The following NRG3 variants were observed in gnomAD, a reference collection of about 807,000 sequenced individuals.
NRG3 encodes the protein neuregulin 3.
In NRG3, 31 loss-of-function variants were observed where a neutral mutation model predicts 66.9. The ratio of observed to expected loss-of-function variants is 0.46; its 90% CI spans 0.35 to 0.63. The LOEUF is 0.63. Ranked by LOEUF, NRG3 falls within the 20% of genes least tolerant of loss-of-function variation. The pLI is 0.00. For missense variants in NRG3, 910 were observed against 878.9 expected, an observed-to-expected ratio of 1.04 and a Z score of -0.45; for synonymous variants, 393 against 359.4, an observed-to-expected ratio of 1.09 and a Z score of -1.06.
chr10:82,617,247 G>A (rs1214795080), intron 2 of NRG3, among the ~76,000 whole-genome samples: 1 of 139,918 alleles, frequency 7.1e-6, no homozygotes, highest in Non-Finnish European at 1.5e-5. Context: ...ACACCACACA[G>A]ACACACATAC....
intron 2 of NRG3, among the ~76,000 whole-genome samples, chr10:82,649,864 T>C (rs900566644): frequency 4.6e-5 from 7 of 152,150 alleles, no homozygotes; most frequent in Non-Finnish European, 8.8e-5. Flanking sequence ...GGACTGATTA[T>C]TGCTCAGAAT....
intron 1 of NRG3, among the ~76,000 whole-genome samples, chr10:82,353,637 G>C (rs2083575701): frequency 6.6e-6 from 1 of 152,186 alleles, no homozygotes; most frequent in South Asian, 2.1e-4. Flanking sequence ...ACAAGTGCCA[G>C]ATGAGTGATC....
Position 82,099,012 on chromosome 10 carries a change from G to T in NRG3, c.823+222849G>T, listed in dbSNP as rs188546191. Among the ~76,000 whole-genome samples the T allele has an allele frequency of 3.9e-3, 593 of 152,184 alleles. 3 individuals are homozygous for T. The highest frequency in any genetic ancestry group is 0.014 in the African/African-American group (564 of 41,544). ...GATCTCCTGACCTCGTGATCTGCCC[G>T]CATTGACCTCCCAAAGTGCTGGGAT... On this transcript the variant is annotated intron_variant, in intron 1 of 8. Coordinates refer to ENST00000372141, the MANE Select transcript of NRG3 (RefSeq NM_001010848.4).
rs1034277285 is a variant in NRG3 at position 82,874,777 on chromosome 10, G to A, written c.1054+9340G>A. 2.0e-5 allele frequency among the ~76,000 whole-genome samples: 3 copies of A among 152,316 alleles called. No individual in the cohort carries two copies. The South Asian group carries it at 6.2e-4, about 32-fold the overall frequency. ...GCAGATAGGAGTTGAATTCAAATCT[G>A]TCTTTCTCCAGAGCTCTTGAATTAT... On this transcript the variant is annotated intron_variant, in intron 4 of 8. Coordinates refer to ENST00000372141, the MANE Select transcript of NRG3 (RefSeq NM_001010848.4).
At chr10:82,432,418 A>C (rs2089877625) in intron 2 of NRG3, among the ~76,000 whole-genome samples, 1 of 151,704 alleles carries the variant, frequency 6.6e-6, no homozygotes, top group African/African-American at 2.4e-5. Context: ...GCTGCAAATG[A>C]CAAAATTTCA....
intron 4 of NRG3, among the ~76,000 whole-genome samples, chr10:82,877,537 C>CTT (rs61471998): frequency 1.0e-3 from 78 of 74,956 alleles, no homozygotes; most frequent in South Asian, 8.4e-3. Flanking sequence ...CCACACCCGG[C>CTT]TTTTTTTTTT....
chr10:82,894,120 G>A (rs557793739), intron 4 of NRG3, among the ~76,000 whole-genome samples: 3 of 152,228 alleles, frequency 2.0e-5, no homozygotes, highest in African/African-American at 7.2e-5. Context: ...TAAATGCATG[G>A]CATAACCTTA....
chr10:82,222,470 G>A (rs1003026214), intron 1 of NRG3, among the ~76,000 whole-genome samples: 2 of 152,136 alleles, frequency 1.3e-5, no homozygotes, highest in African/African-American at 2.4e-5. Flanking sequence ...ATGTACCAAG[G>A]TTATGTTTCT....
At chr10:82,884,751 A>C (rs891307806) in intron 4 of NRG3, among the ~76,000 whole-genome samples, 2 of 152,174 alleles carry the variant, frequency 1.3e-5, no homozygotes, top group South Asian at 4.1e-4. Context: ...CTTACTCTTC[A>C]TACTGCAAAG....
At chr10:82,629,749 T>C (rs904357766) in intron 2 of NRG3, among the ~76,000 whole-genome samples, 1 of 152,180 alleles carries the variant, frequency 6.6e-6, no homozygotes, top group African/African-American at 2.4e-5. Context: ...TCTACCATGA[T>C]TCCATTATAC....
At chr10:82,832,696 A>T (rs1327504615) in intron 3 of NRG3, among the ~76,000 whole-genome samples, 1 of 152,166 alleles carries the variant, frequency 6.6e-6, no homozygotes, top group Non-Finnish European at 1.5e-5. Flanking sequence ...ATGGAATATT[A>T]TTCTGCCAAG....
At chr10:82,346,344 T>A (rs2083022395) in intron 1 of NRG3, among the ~76,000 whole-genome samples, 1 of 147,790 alleles carries the variant, frequency 6.8e-6, no homozygotes, top group Non-Finnish European at 1.5e-5. Flanking sequence ...TGTCTTTGGC[T>A]CTGTTTATAT....
chr10:82,147,561 C>G (rs2070347096), intron 1 of NRG3, among the ~76,000 whole-genome samples: 1 of 152,182 alleles, frequency 6.6e-6, no homozygotes, highest in Non-Finnish European at 1.5e-5. Context: ...ATGGCAATCT[C>G]TACTTCCTTC....
At chr10:82,512,133 T>C (rs9421006) in intron 2 of NRG3, among the ~76,000 whole-genome samples, 52,973 of 151,678 alleles carry the variant, frequency 0.35, 10,390 homozygotes, top group African/African-American at 0.53. Context: ...CTGAAGTTTA[T>C]TGTTCTTACT....
At chr10:82,262,951 T>C (rs529170527) in intron 1 of NRG3, among the ~76,000 whole-genome samples, 1 of 152,240 alleles carries the variant, frequency 6.6e-6, no homozygotes, top group East Asian at 1.9e-4. Flanking sequence ...CAATTGAAAG[T>C]TTATAGTTGA....
chr10:82,066,073 A>G (rs2133279938), intron 1 of NRG3, among the ~76,000 whole-genome samples: 1 of 152,286 alleles, frequency 6.6e-6, no homozygotes, highest in East Asian at 1.9e-4. Context: ...ACTAAAATGT[A>G]TGTATTTTGT....
intron 3 of NRG3, among the ~76,000 whole-genome samples, chr10:82,829,594 T>C (rs376374389): frequency 2.9e-4 from 44 of 152,236 alleles, no homozygotes; most frequent in African/African-American, 9.6e-4. Context: ...AGGGAACCAA[T>C]AGAGGCTTTT....
Position 82,743,278 on chromosome 10 carries a change from G to A in NRG3, c.1027+4628G>A, listed in dbSNP as rs7922252. 7.6e-3 allele frequency among the ~76,000 whole-genome samples: 1,155 copies of A among 152,192 alleles called. 16 individuals carry two copies. Among genetic ancestry groups the A allele is most frequent in the Middle Eastern group, 0.024 (7 of 294 alleles). On this transcript the variant is annotated intron_variant, in intron 3 of 8. Coordinates refer to ENST00000372141, the MANE Select transcript of NRG3 (RefSeq NM_001010848.4). ...CATCACTTCCATCATGTATTCATACGTGCTGACTTCGATTCGCACTTTGTT... is the reference window on the plus strand; with the variant it reads ...CATCACTTCCATCATGTATTCATACATGCTGACTTCGATTCGCACTTTGTT...
chr10:82,858,458 C>A (rs1173227666), intron 3 of NRG3, among the ~76,000 whole-genome samples: 1 of 152,134 alleles, frequency 6.6e-6, no homozygotes, highest in Non-Finnish European at 1.5e-5. Flanking sequence ...ACTGTTGATA[C>A]CTGAGACAAT....
Sources: allele counts gnomAD v4.1 joint callset (sites outside exome capture counted in the v4.1 genomes callset), GRCh38; gene constraint gnomAD v4.1.1; transcripts MANE v1.5; gene names NCBI Gene and HGNC (gene_info 2026-07-23, HGNC 2026-07-21).